Variants in PPP1R13B observed in about 807,000 individuals in gnomAD.
PPP1R13B encodes the protein protein phosphatase 1 regulatory subunit 13B.
In PPP1R13B, 44 loss-of-function variants were observed where a neutral mutation model predicts 119.8. That is an observed-to-expected ratio of 0.37 (90% CI 0.29 to 0.47). The LOEUF (loss-of-function observed/expected upper bound fraction) is 0.47. Among genes scored for constraint, PPP1R13B ranks in the 20% least tolerant of loss-of-function variants. The probability of loss-of-function intolerance (pLI) is 0.99; values close to 1 mark genes in which losing one functional copy is unlikely to be tolerated. For missense variants in PPP1R13B, 1,227 were observed against 1,413.5 expected, an observed-to-expected ratio of 0.87 and a Z score of 2.12; for synonymous variants, 542 against 561.5, an observed-to-expected ratio of 0.97 and a Z score of 0.49.
At chr14:103,776,885 A>G (rs1180354510) in intron 4 of PPP1R13B, among the ~76,000 whole-genome samples, 3 of 151,932 alleles carry the variant, frequency 2.0e-5, no homozygotes, top group Non-Finnish European at 4.4e-5. Flanking sequence ...AAAAAAAAAA[A>G]GAAACTCAAT....
Position 103,738,646 on chromosome 14 carries a change from A to T in PPP1R13B, c.2864+33T>A. ...TTCCTTATGCAAAGCAGGGAAAGTA[A>T]ATCTGTCCACCCCACACTCCTACGG... On this transcript the variant is annotated intron_variant, in intron 14 of 16. Coordinates refer to ENST00000202556, the MANE Select transcript of PPP1R13B (RefSeq NM_015316.3). This position sits in a 1 kb window ranked among gnomAD's most constrained non-coding sequence, Gnocchi z 5.6. The T allele has an allele frequency of 6.2e-7, 1 of 1,610,002 alleles. No homozygotes were observed. Among genetic ancestry groups the T allele is most frequent in the South Asian group, 1.1e-5 (1 of 90,912 alleles).
intron 1 of PPP1R13B, among the ~76,000 whole-genome samples, chr14:103,836,552 T>A (rs2086783288): frequency 6.6e-6 from 1 of 151,604 alleles, no homozygotes; most frequent in South Asian, 2.1e-4. Flanking sequence ...AGGCGGATCA[T>A]GAGGTCAGGA....
intron 4 of PPP1R13B, among the ~76,000 whole-genome samples, chr14:103,768,073 T>C (rs1316529008): frequency 6.6e-6 from 1 of 151,742 alleles, no homozygotes; most frequent in African/African-American, 2.4e-5. Context: ...GTTTTAAAAA[T>C]AATAGAGAAA....
intron 8 of PPP1R13B, among the ~76,000 whole-genome samples, chr14:103,748,098 C>T (rs1207729068): frequency 2.6e-5 from 4 of 151,590 alleles, no homozygotes; most frequent in South Asian, 2.1e-4. Flanking sequence ...CACACACACA[C>T]ACACACACAC....
rs374815119 is a variant in PPP1R13B at position 103,743,446 on chromosome 14, G to C, written c.1151-623C>G. Among the ~76,000 whole-genome samples the C allele has an allele frequency of 4.6e-5, 7 of 152,346 alleles. No homozygotes were observed. The East Asian group carries it at 1.4e-3, about 29-fold the overall frequency. On this transcript the variant is annotated intron_variant, in intron 9 of 16. Transcript: ENST00000202556. The stretch of plus-strand genomic sequence containing the variant: ...AAGTTTTCAGGAAAGCCACTGAAAT[G>C]ACAGGTTCTTTACAGAGTATTTTCC...
Position 103,813,228 on chromosome 14 carries a change from A to G in PPP1R13B, c.10-15710T>C, listed in dbSNP as rs149894894. ...TGGAATATTATTCAGTTATTCAGCA[A>G]TGTTAAAAAAAAAAAGCACAAATCC... On this transcript the variant is annotated intron_variant, in intron 1 of 16. Coordinates refer to ENST00000202556, the MANE Select transcript of PPP1R13B (RefSeq NM_015316.3). 2.9e-3 allele frequency among the ~76,000 whole-genome samples: 438 copies of G among 148,934 alleles called. 12 individuals carry two copies. Among genetic ancestry groups the G allele is most frequent in the Non-Finnish European group, 6.8e-4 (46 of 67,650 alleles).
upstream of PPP1R13B, chr14:103,847,692 G>T (rs985974849): frequency 4.2e-5 from 38 of 897,038 alleles, no homozygotes; most frequent in Non-Finnish European, 4.9e-5. Flanking sequence ...GGCGGGGAGA[G>T]GGGCGGGGCT....
chr14:103,828,802 T>A (rs1418288715), intron 1 of PPP1R13B, among the ~76,000 whole-genome samples: 1 of 152,100 alleles, frequency 6.6e-6, no homozygotes, highest in Non-Finnish European at 1.5e-5. Context: ...GACTGAAGAA[T>A]CCCCCATTAG....
chr14:103,836,616 A>C (rs2086785011), intron 1 of PPP1R13B, among the ~76,000 whole-genome samples: 1 of 151,772 alleles, frequency 6.6e-6, no homozygotes, highest in Non-Finnish European at 1.5e-5. Flanking sequence ...TAAAGATAAA[A>C]AAAATTAGCT....
At chr14:103,739,247 G>A in intron 12 of PPP1R13B, 1 of 549,384 alleles carries the variant, frequency 1.8e-6, no homozygotes, top group Non-Finnish European at 3.2e-6. Flanking sequence ...TGAGTCCCTG[G>A]CTCACGCACA....
intron 16 of PPP1R13B, 105 bp from the exon 17 acceptor site, chr14:103,735,300 C>T (rs2084074037): frequency 9.3e-7 from 1 of 1,080,284 alleles, no homozygotes. Context: ...GACAGCCGTG[C>T]AGCACCCTTG....
At chr14:103,784,739 C>T (rs565306663) in intron 3 of PPP1R13B, 56 bp downstream of exon 3, 5 of 1,506,850 alleles carry the variant, frequency 3.3e-6, no homozygotes, top group African/African-American at 2.8e-5. Context: ...TCCTATTTTT[C>T]TTAAATTAAC....
chr14:103,733,249 TAATTGG>T lies in PPP1R13B; in HGVS notation c.*1899_*1904del. On this transcript the variant is annotated 3_prime_UTR_variant, in exon 17 of 17. Coordinates refer to ENST00000202556, the MANE Select transcript of PPP1R13B (RefSeq NM_015316.3). ...TTAGAATTTGTGTATTGTCAATACT[TAATTGG>T]GGGTGGGAGAGACTGAGCTACACTA... is the stretch of plus-strand genomic sequence containing the variant. 9 of 557,116 alleles carry T rather than the reference TAATTGG, an allele frequency of 1.6e-5. No homozygotes were observed. Among genetic ancestry groups the T allele is most frequent in the Non-Finnish European group, 2.8e-5 (9 of 316,848 alleles). The allele number at this position is 557,116 out of a possible 1,614,324, so 34.5% of individuals were successfully genotyped here. A position where few individuals can be genotyped will look rare whatever the true frequency, so the allele number is the denominator to read the frequency against.
intron 9 of PPP1R13B, among the ~76,000 whole-genome samples, chr14:103,745,157 G>A (rs2084356111): frequency 6.6e-6 from 1 of 152,220 alleles, no homozygotes; most frequent in Non-Finnish European, 1.5e-5. Context: ...AGACACGGCC[G>A]TAAGGGATCT....
intron 2 of PPP1R13B, among the ~76,000 whole-genome samples, chr14:103,790,604 C>T (rs2085593929): frequency 6.6e-6 from 1 of 151,724 alleles, no homozygotes; most frequent in African/African-American, 2.4e-5. Flanking sequence ...TGGCAAAACC[C>T]CATCTTTACT....
chr14:103,841,385 T>G (rs181595138), intron 1 of PPP1R13B, among the ~76,000 whole-genome samples: 10 of 151,402 alleles, frequency 6.6e-5, no homozygotes, highest in African/African-American at 2.4e-4. Flanking sequence ...GTCAGGAGTT[T>G]GTGACCAGCC....
intron 1 of PPP1R13B, among the ~76,000 whole-genome samples, chr14:103,801,957 AT>A (rs937293458): frequency 6.6e-6 from 1 of 152,242 alleles, no homozygotes; most frequent in Non-Finnish European, 1.5e-5. Flanking sequence ...TGTAAGAAGA[AT>A]TTATAAAAAC....
chr14:103,762,746 G>A (rs2084839680), intron 4 of PPP1R13B: 1 of 681,558 alleles, frequency 1.5e-6, no homozygotes, highest in Non-Finnish European at 2.7e-6. Context: ...AGACGGATGG[G>A]GGTGGAGGCG....
intron 3 of PPP1R13B, among the ~76,000 whole-genome samples, 156 bp from the exon 4 acceptor site, chr14:103,778,977 A>G (rs2085275013): frequency 6.6e-6 from 1 of 152,192 alleles, no homozygotes; most frequent in Non-Finnish European, 1.5e-5. Context: ...ATGGTCTTAC[A>G]ATTAATCTTT....
Sources: allele counts gnomAD v4.1 joint callset (sites outside exome capture counted in the v4.1 genomes callset), GRCh38; gene constraint gnomAD v4.1.1; non-coding constraint Gnocchi (gnomAD v3.1); transcripts MANE v1.5; gene names NCBI Gene and HGNC (gene_info 2026-07-23, HGNC 2026-07-21).